TOMM20L: variants seen among roughly 807,000 people sequenced by gnomAD.
TOMM20L encodes translocase of outer mitochondrial membrane 20 like.
Under a neutral mutation model 20.4 loss-of-function variants are expected in TOMM20L, and 19 were observed. That is an observed-to-expected ratio of 0.93 (90% confidence interval 0.65 to 1.36). The LOEUF (loss-of-function observed/expected upper bound fraction) is 1.36, where lower values mean the gene tolerates loss of function less well. Among genes scored for constraint, TOMM20L ranks in the 40% most tolerant of loss-of-function variants. TOMM20L has a pLI of 0.00. For synonymous variants in TOMM20L, 75 were observed against 79.6 expected (o/e 0.94, Z 0.30); for missense variants, 218 against 203.7 (o/e 1.07, Z -0.43).
downstream of TOMM20L, chr14:58,410,865 G>A (rs772232772): frequency 7.7e-5 from 124 of 1,609,726 alleles, no homozygotes; most frequent in Non-Finnish European, 1.0e-4. Context: ...TACTTCTCTT[G>A]TTGTGAAGTC....
chr14:58,404,641 G>T (rs1336467778), intron 3 of TOMM20L, among the ~76,000 whole-genome samples: 1 of 151,982 alleles, frequency 6.6e-6, no homozygotes, highest in Non-Finnish European at 1.5e-5. Flanking sequence ...CATTATAAAG[G>T]TTTTGAGAAA....
At chr14:58,402,844 A>G in intron 3 of TOMM20L, 83 bp downstream of exon 3, 4 of 1,067,816 alleles carry the variant, frequency 3.7e-6, no homozygotes, top group Non-Finnish European at 5.7e-6. Flanking sequence ...ATGTCAAATA[A>G]CTAGCTGGAT....
intron 2 of TOMM20L, among the ~76,000 whole-genome samples, chr14:58,400,820 G>A (rs2035985004): frequency 6.6e-6 from 1 of 152,132 alleles, no homozygotes. Flanking sequence ...AGAGGTTGCA[G>A]TGAGTCAAGA....
the TOMM20L span, among the ~76,000 whole-genome samples, chr14:58,413,835 G>A: frequency 6.0e-5 from 9 of 150,998 alleles, no homozygotes; most frequent in South Asian, 4.2e-4. Context: ...GTGAAACCCC[G>A]TCTTTACTAA....
At chr14:58,402,790 T>C (rs1442696282) in intron 3 of TOMM20L, 29 bp downstream of exon 3, 1 of 1,487,116 alleles carries the variant, frequency 6.7e-7, no homozygotes, top group Non-Finnish European at 9.4e-7. Flanking sequence ...TTTTGTGAGT[T>C]ATGACAGCTT....
chr14:58,408,788 G>T, downstream of TOMM20L: 1 of 684,286 alleles, frequency 1.5e-6, no homozygotes, highest in Non-Finnish European at 2.3e-6. Flanking sequence ...TGACCAAGCT[G>T]CTGAATCATA....
intron 3 of TOMM20L, among the ~76,000 whole-genome samples, chr14:58,404,146 TGG>T (rs2036028982): frequency 6.2e-5 from 3 of 48,248 alleles, no homozygotes; most frequent in Admixed American, 3.1e-4. Flanking sequence ...TTTTTTTTTT[TGG>T]AGACGGAGTC....
chr14:58,408,509 C>T lies in TOMM20L; in HGVS notation c.406-20C>T. The T allele has an allele frequency of 2.5e-6, 4 of 1,609,022 alleles. No homozygotes were observed. The highest frequency in any genetic ancestry group is 2.2e-5 in the East Asian group (1 of 44,820). ...ATGCATTGAAATGATTAGCAAGTAA[C>T]TATTTTATGTATTCACCAGCAATTT... On this transcript the variant is annotated intron_variant, in intron 4 of 4. Coordinates refer to ENST00000360945, the MANE Select transcript of TOMM20L (RefSeq NM_207377.3).
rs1482435580 is a variant in TOMM20L at position 58,396,079 on chromosome 14, G to A, written c.122G>A (p.Arg41His). 2.2e-6 allele frequency: 3 copies of A among 1,395,040 alleles called. No homozygotes were observed. Among genetic ancestry groups the A allele is most frequent in the Admixed American group, 5.5e-5 (2 of 36,502 alleles). 86.4% of individuals were successfully genotyped at this position (1,395,040 alleles called of 1,614,324 possible). ...CGGCGCGGGGACCCCGCGTTCAAGC[G>A]CCGCCTGCGGGACAGTGAGTGGGAC... The part of the protein sequence containing the change: ...RKRRGDPAFK[R>H]RLRDKRRAEP... The change falls in exon 1 of 5, where the codon CGC becomes CAC. Residue 41 changes from arginine (R) to histidine (H), a missense_variant. By Grantham distance (29) the Arg-to-His change is conservative. Transcript: ENST00000360945.
intron 3 of TOMM20L, among the ~76,000 whole-genome samples, chr14:58,404,411 G>A (rs1006741421): frequency 2.3e-4 from 34 of 151,094 alleles, no homozygotes; most frequent in Non-Finnish European, 4.1e-4. Flanking sequence ...TTACAGGCGT[G>A]AGCCACCGCG....
At chr14:58,411,738 T>C (rs1269570765), downstream of TOMM20L, among the ~76,000 whole-genome samples, 1 of 152,014 alleles carries the variant, frequency 6.6e-6, no homozygotes, top group Non-Finnish European at 1.5e-5. Flanking sequence ...AGTTTCACCA[T>C]GTTGGCCAGG....
intron 2 of TOMM20L, chr14:58,398,654 T>G (rs1175310674): frequency 6.6e-6 from 1 of 151,690 alleles, no homozygotes; most frequent in Admixed American, 6.6e-5. Context: ...TGGGAAATAA[T>G]AAATGATTTA....
intron 3 of TOMM20L, among the ~76,000 whole-genome samples, 183 bp downstream of exon 3, chr14:58,402,944 C>G (rs1262303283): frequency 6.6e-6 from 1 of 152,220 alleles, no homozygotes; most frequent in African/African-American, 2.4e-5. Flanking sequence ...GCATTTAGTG[C>G]TCAAGTCGTA....
chr14:58,414,736 C>CAAAAAAAAAAAAAAAA, the TOMM20L span, among the ~76,000 whole-genome samples: 1 of 117,534 alleles, frequency 8.5e-6, no homozygotes, highest in Non-Finnish European at 1.7e-5. Context: ...GACGCCATCT[C>CAAAAAAAAAAAAAAAA]AAAAAAAAAA....
At chr14:58,405,173 G>A (rs1401027797) in intron 3 of TOMM20L, among the ~76,000 whole-genome samples, 1 of 152,056 alleles carries the variant, frequency 6.6e-6, no homozygotes, top group Non-Finnish European at 1.5e-5. Flanking sequence ...TCACCATGTT[G>A]GTCAGGCTGG....
intron 2 of TOMM20L, among the ~76,000 whole-genome samples, chr14:58,400,412 A>T: frequency 7.3e-6 from 1 of 136,774 alleles, no homozygotes; most frequent in Non-Finnish European, 1.5e-5. Flanking sequence ...ACAGAGTGAG[A>T]CTCTGTCTCC....
At chr14:58,414,846 C>T in the TOMM20L span, among the ~76,000 whole-genome samples, 1 of 152,074 alleles carries the variant, frequency 6.6e-6, no homozygotes, top group Non-Finnish European at 1.5e-5. Flanking sequence ...CACTCCCCAG[C>T]GAGTGTCAGT....
chr14:58,407,517 A>G (rs1425739476), intron 4 of TOMM20L, 49 bp downstream of exon 4: 3 of 1,543,200 alleles, frequency 1.9e-6, no homozygotes, highest in South Asian at 2.5e-5. Context: ...GTAAATAGCT[A>G]TGTTATGCTT....
downstream of TOMM20L, chr14:58,409,161 C>G: frequency 6.2e-7 from 1 of 1,613,094 alleles, no homozygotes; most frequent in Non-Finnish European, 8.5e-7. Flanking sequence ...ATGTTCTGAA[C>G]AGGTGGTCTA....
Sources: gnomAD v4.1 joint callset for allele counts (sites outside exome capture counted in the v4.1 genomes callset) on GRCh38, gnomAD v4.1.1 for gene constraint, MANE v1.5 for transcripts, NCBI Gene and HGNC (gene_info 2026-07-23, HGNC 2026-07-21) for gene names.